The following FAAH2 variants were observed in gnomAD, a reference collection of about 807,000 sequenced individuals.
FAAH2 encodes the protein fatty acid amide hydrolase 2, also known as fatty-acid amide hydrolase 2.
In FAAH2, 60 loss-of-function variants were observed where a neutral mutation model predicts 36.9. That is an observed-to-expected ratio of 1.63 (90% CI 1.32 to 2.02). FAAH2 has a LOEUF of 2.02. FAAH2 is among the 30% of genes most tolerant of loss of function. The probability of loss-of-function intolerance (pLI) is 0.00; values close to 1 mark genes in which losing one functional copy is unlikely to be tolerated. For missense variants in FAAH2, 689 were observed against 397.5 expected (o/e 1.73, Z -6.23); for synonymous variants, 214 against 143.8 (o/e 1.49, Z -3.49).
intron 4 of FAAH2, among the ~76,000 whole-genome samples, chrX:57,336,820 C>T (rs971867571): frequency 9.0e-6 from 1 of 111,095 alleles, no homozygotes; most frequent in Non-Finnish European, 1.9e-5. Flanking sequence ...GACAACCTAA[C>T]ATCACAACTA....
the FAAH2 span, among the ~76,000 whole-genome samples, chrX:57,227,261 T>G: frequency 9.0e-6 from 1 of 111,285 alleles, no homozygotes; most frequent in African/African-American, 3.3e-5. Context: ...TTCTGCTTCC[T>G]TCTCATTTGG....
the FAAH2 span, among the ~76,000 whole-genome samples, chrX:57,130,956 T>G: frequency 8.9e-6 from 1 of 112,545 alleles, no homozygotes; most frequent in Non-Finnish European, 1.9e-5. Context: ...TGAAGTACTG[T>G]GTATAGCATT....
chrX:57,243,609 G>T, the FAAH2 span, among the ~76,000 whole-genome samples: 1 of 112,099 alleles, frequency 8.9e-6, no homozygotes, highest in Non-Finnish European at 1.9e-5. Context: ...GGCAAACATG[G>T]TCTGGAGTGG....
the FAAH2 span, among the ~76,000 whole-genome samples, chrX:57,141,449 A>G: frequency 5.4e-5 from 6 of 112,055 alleles, no homozygotes; most frequent in African/African-American, 1.9e-4. Flanking sequence ...CCTTCCAAGA[A>G]TGAGTTTGGA....
chrX:57,182,447 G>A, the FAAH2 span, among the ~76,000 whole-genome samples: 1 of 111,615 alleles, frequency 9.0e-6, no homozygotes, highest in East Asian at 2.8e-4. Context: ...CAGCCAACAA[G>A]CATATAGAAA....
At chrX:57,420,258 C>A (rs1001089007) in intron 7 of FAAH2, among the ~76,000 whole-genome samples, 5 of 111,241 alleles carry the variant, frequency 4.5e-5, no homozygotes, top group African/African-American at 1.3e-4. Flanking sequence ...TCTGTGAAGA[C>A]AGTCATTGGT....
chrX:57,391,403 GT>G (rs1184676801), intron 7 of FAAH2, among the ~76,000 whole-genome samples: 4 of 110,322 alleles, frequency 3.6e-5, no homozygotes, highest in Admixed American at 2.9e-4. Context: ...AATGTCAGAA[GT>G]TTTTTCTATT....
chrX:57,445,389 G>A (rs976808846), intron 8 of FAAH2, among the ~76,000 whole-genome samples: 1 of 111,707 alleles, frequency 9.0e-6, no homozygotes, highest in South Asian at 3.8e-4. Context: ...AATTGGGAAA[G>A]GGATGACATG....
At chrX:57,312,549 G>A (rs902302180) in intron 3 of FAAH2, among the ~76,000 whole-genome samples, 196 of 110,225 alleles carry the variant, frequency 1.8e-3, no homozygotes, top group African/African-American at 6.2e-3. Flanking sequence ...GCATGGTGGC[G>A]GGCATCTGTA....
At chrX:57,273,105 T>G in the FAAH2 span, among the ~76,000 whole-genome samples, 1 of 110,925 alleles carries the variant, frequency 9.0e-6, no homozygotes, top group African/African-American at 3.3e-5. Flanking sequence ...AGAACGTGAG[T>G]TGCAGTCCTA....
the FAAH2 span, among the ~76,000 whole-genome samples, chrX:57,231,982 T>C: frequency 9.0e-6 from 1 of 111,395 alleles, no homozygotes; most frequent in Non-Finnish European, 1.9e-5. Context: ...ATTCTATCAA[T>C]AAATTTCCAT....
At chrX:57,456,004 T>C (rs929748922) in intron 10 of FAAH2, among the ~76,000 whole-genome samples, 1 of 111,528 alleles carries the variant, frequency 9.0e-6, no homozygotes, top group African/African-American at 3.3e-5. Context: ...AATATATATT[T>C]TTCTCATCCA....
intron 5 of FAAH2, among the ~76,000 whole-genome samples, chrX:57,345,243 G>T (rs1433228989): frequency 9.4e-6 from 1 of 106,234 alleles, no homozygotes; most frequent in Non-Finnish European, 1.9e-5. Context: ...GTAGACTTCA[G>T]CTGTGAATCC....
At chrX:57,327,488 A>G (rs1003928740) in intron 3 of FAAH2, among the ~76,000 whole-genome samples, 4 of 109,497 alleles carry the variant, frequency 3.7e-5, no homozygotes, top group Admixed American at 9.8e-5. Context: ...AATCAGACAT[A>G]GATTTGGTGT....
intron 7 of FAAH2, chrX:57,393,569 C>T (rs991760858): frequency 1.1e-6 from 1 of 942,866 alleles, no homozygotes; most frequent in East Asian, 3.1e-5. Context: ...GCCCTCCAAT[C>T]TCTGCATGAG....
At chrX:57,475,897 G>A (rs2057257971) in intron 10 of FAAH2, among the ~76,000 whole-genome samples, 1 of 111,338 alleles carries the variant, frequency 9.0e-6, no homozygotes, top group African/African-American at 3.3e-5. Context: ...TCTCCTTGAA[G>A]AGGTCTTTCA....
intron 5 of FAAH2, among the ~76,000 whole-genome samples, chrX:57,350,888 T>C (rs1319566197): frequency 9.0e-6 from 1 of 111,492 alleles, no homozygotes; most frequent in African/African-American, 3.2e-5. Context: ...AATACAATAA[T>C]AATTAGGGAT....
intron 7 of FAAH2, among the ~76,000 whole-genome samples, chrX:57,401,409 T>C (rs1251244921): frequency 9.0e-6 from 1 of 111,239 alleles, no homozygotes; most frequent in East Asian, 2.9e-4. Context: ...GAAAAAGGCA[T>C]CCTTAAGGTT....
At chrX:57,456,571 A>G (rs1569358115) in intron 10 of FAAH2, among the ~76,000 whole-genome samples, 1 of 112,115 alleles carries the variant, frequency 8.9e-6, no homozygotes, top group Non-Finnish European at 1.9e-5. Context: ...ATAAAAAATA[A>G]AGATCCAAAT....
Sources: allele counts gnomAD v4.1 joint callset (sites outside exome capture counted in the v4.1 genomes callset), GRCh38; gene constraint gnomAD v4.1.1; transcripts MANE v1.5; gene names NCBI Gene and HGNC (gene_info 2026-07-23, HGNC 2026-07-21).